SLC16A10: variants seen among roughly 807,000 people sequenced by gnomAD.
SLC16A10 encodes monocarboxylate transporter 10.
In SLC16A10, 27 loss-of-function variants were observed where a neutral mutation model predicts 40.0. That is an observed-to-expected ratio of 0.67 (90% CI 0.50 to 0.93). The LOEUF is 0.93. Among genes scored for constraint, SLC16A10 ranks in the 40% least tolerant of loss-of-function variants. The pLI, the probability that SLC16A10 is intolerant of heterozygous loss-of-function variation, is 0.00. For missense variants in SLC16A10, 529 were observed against 658.2 expected, an observed-to-expected ratio of 0.80 and a Z score of 2.15; for synonymous variants, 213 against 249.8, an observed-to-expected ratio of 0.85 and a Z score of 1.39.
chr6:111,129,234 C>A (rs79923148), intron 1 of SLC16A10, among the ~76,000 whole-genome samples: 1 of 152,118 alleles, frequency 6.6e-6, no homozygotes, highest in East Asian at 1.9e-4. Flanking sequence ...TTGGAGCAGT[C>A]TGTCAGGCTT....
intron 1 of SLC16A10, among the ~76,000 whole-genome samples, chr6:111,146,752 A>C (rs954780525): frequency 6.6e-6 from 1 of 152,072 alleles, no homozygotes; most frequent in East Asian, 1.9e-4. Flanking sequence ...AAAAAAAGAT[A>C]TATACACAGA....
At chr6:111,186,306 G>T (rs1449864214) in intron 3 of SLC16A10, among the ~76,000 whole-genome samples, 1 of 152,170 alleles carries the variant, frequency 6.6e-6, no homozygotes, top group Admixed American at 6.5e-5. Context: ...ATGGACATTG[G>T]CATGTCTCAA....
chr6:111,114,025 G>A (rs1033976440), intron 1 of SLC16A10, among the ~76,000 whole-genome samples: 26 of 152,106 alleles, frequency 1.7e-4, no homozygotes, highest in Non-Finnish European at 3.2e-4. Context: ...TTATTCAGAC[G>A]TCTGCTGTTC....
chr6:111,215,911 C>A (rs987057684), intron 4 of SLC16A10, among the ~76,000 whole-genome samples: 1 of 152,142 alleles, frequency 6.6e-6, no homozygotes, highest in Non-Finnish European at 1.5e-5. Context: ...GGGAGGATCA[C>A]TTTGAGCCCA....
At chr6:111,211,805 C>T (rs1294777607) in intron 4 of SLC16A10, among the ~76,000 whole-genome samples, 1 of 152,200 alleles carries the variant, frequency 6.6e-6, no homozygotes, top group Non-Finnish European at 1.5e-5. Context: ...ATTCTTGGCT[C>T]TTCTCTGCTG....
At chr6:111,191,923 G>A (rs1271620932) in intron 3 of SLC16A10, among the ~76,000 whole-genome samples, 1 of 152,028 alleles carries the variant, frequency 6.6e-6, no homozygotes, top group African/African-American at 2.4e-5. Context: ...TTAACCCTTT[G>A]TCAGATGGAT....
intron 2 of SLC16A10, 69 bp from the exon 3 acceptor site, chr6:111,177,143 G>A: frequency 9.0e-7 from 1 of 1,112,110 alleles, no homozygotes; most frequent in Non-Finnish European, 1.2e-6. Context: ...TATACTATAA[G>A]ATTTTATTCT....
chr6:111,127,478 ATTTCTTCTGAGTGTAGGATTT>A, intron 1 of SLC16A10, among the ~76,000 whole-genome samples: 1 of 152,206 alleles, frequency 6.6e-6, no homozygotes, highest in East Asian at 1.9e-4. Flanking sequence ...AAGAGCTTGG[ATTTCTTCTGAGTGTAGGATTT>A]TGAGCAGGGG....
chr6:111,177,182 C>G, intron 2 of SLC16A10, 30 bp from the exon 3 acceptor site: 1 of 1,384,008 alleles, frequency 7.2e-7, no homozygotes, highest in Non-Finnish European at 9.5e-7. Flanking sequence ...ATATTGAAAG[C>G]TGCTTTCCAT....
chr6:111,148,904 T>A (rs1772124697), intron 1 of SLC16A10, among the ~76,000 whole-genome samples: 1 of 152,156 alleles, frequency 6.6e-6, no homozygotes, highest in African/African-American at 2.4e-5. Flanking sequence ...GGTCAGGAGT[T>A]CCAGACCAGC....
chr6:111,228,545 G>C lies in SLC16A10; in HGVS notation c.*6310G>C, dbSNP rs1771049689. 6.6e-6 allele frequency: 1 copy of C among 152,070 alleles called. No homozygotes were observed. Among genetic ancestry groups the C allele is most frequent in the South Asian group, 2.1e-4 (1 of 4,814 alleles). The allele number at this position is 152,070 out of a possible 1,614,324, so 9.4% of individuals were successfully genotyped here. A position where few individuals can be genotyped will look rare whatever the true frequency, so the allele number is the denominator to read the frequency against. On this transcript the variant is annotated 3_prime_UTR_variant, in exon 6 of 6. Coordinates refer to ENST00000368851, the MANE Select transcript of SLC16A10 (RefSeq NM_018593.5). ...AAATTAGATTGGTAATACTATTTTG[G>C]AGCCTGTGATGTATGACTTTTATTC... is the stretch of plus-strand genomic sequence containing the variant.
intron 1 of SLC16A10, among the ~76,000 whole-genome samples, chr6:111,104,897 TA>T (rs948275471): frequency 3.2e-3 from 449 of 142,392 alleles, no homozygotes; most frequent in Middle Eastern, 3.6e-3. Flanking sequence ...GCTTTGGTCT[TA>T]AAAAAAAAAA....
intron 1 of SLC16A10, among the ~76,000 whole-genome samples, chr6:111,132,048 C>T (rs1356095385): frequency 1.3e-5 from 2 of 152,126 alleles, no homozygotes; most frequent in Non-Finnish European, 2.9e-5. Flanking sequence ...GTCCTTAAGC[C>T]CCTAGGCTCT....
intron 1 of SLC16A10, among the ~76,000 whole-genome samples, chr6:111,089,671 T>C (rs1260359190): frequency 6.6e-6 from 1 of 152,134 alleles, no homozygotes; most frequent in Non-Finnish European, 1.5e-5. Flanking sequence ...GATATGCATA[T>C]ATAATAGCAA....
Position 111,167,546 on chromosome 6 carries a change from T to C in SLC16A10, c.344-5149T>C, listed in dbSNP as rs1385174898. Among the ~76,000 whole-genome samples the C allele has an allele frequency of 3.3e-5, 5 of 152,176 alleles. No individual in the cohort carries two copies. The East Asian group carries it at 7.7e-4, about 24-fold the overall frequency. On this transcript the variant is annotated intron_variant, in intron 1 of 5. Coordinates refer to ENST00000368851, the MANE Select transcript of SLC16A10 (RefSeq NM_018593.5). ...ACTGTTAACTTTCGAGGAGAGATCCTTGGGGGGAAAATATATATTAGGAAG... is the reference window on the plus strand; with the variant it reads ...ACTGTTAACTTTCGAGGAGAGATCCCTGGGGGGAAAATATATATTAGGAAG...
Position 111,138,584 on chromosome 6 carries a change from G to A in SLC16A10, c.344-34111G>A, listed in dbSNP as rs1395197857. On this transcript the variant is annotated intron_variant, in intron 1 of 5. Transcript: ENST00000368851. ...GTCCTCCCTGTCCTGCAGGGTTGCT[G>A]CAAGGATTTAACAACATGTATATGT... Among the ~76,000 whole-genome samples, 3 of 152,058 alleles carry A rather than the reference G, an allele frequency of 2.0e-5. No individual in the cohort carries two copies. In the East Asian group the frequency reaches 5.8e-4, roughly 29 times the overall value.
chr6:111,163,395 G>A (rs892010388), intron 1 of SLC16A10, among the ~76,000 whole-genome samples: 229 of 151,728 alleles, frequency 1.5e-3, no homozygotes, highest in African/African-American at 4.7e-3. Flanking sequence ...CTCGTGATCC[G>A]CCCGCCTCGG....
At chr6:111,151,902 G>A (rs535706416) in intron 1 of SLC16A10, among the ~76,000 whole-genome samples, 2 of 152,192 alleles carry the variant, frequency 1.3e-5, no homozygotes, top group African/African-American at 2.4e-5. Flanking sequence ...ATCTGGGCTG[G>A]ATACCCCTCC....
At chr6:111,171,251 T>C (rs1193807865) in intron 1 of SLC16A10, among the ~76,000 whole-genome samples, 3 of 152,372 alleles carry the variant, frequency 2.0e-5, no homozygotes, top group East Asian at 3.9e-4. Flanking sequence ...CTGTCTACTT[T>C]TGAATCCCTG....
Sources: allele counts gnomAD v4.1 joint callset (sites outside exome capture counted in the v4.1 genomes callset), GRCh38; gene constraint gnomAD v4.1.1; transcripts MANE v1.5; gene names NCBI Gene and HGNC (gene_info 2026-07-23, HGNC 2026-07-21).